EXD2: variants seen among roughly 807,000 people sequenced by gnomAD.
EXD2 encodes exonuclease 3'-5' domain-containing protein 2.
In EXD2, 40 loss-of-function variants were observed where a neutral mutation model predicts 62.5. That is an observed-to-expected ratio of 0.64 (90% CI 0.50 to 0.83). The LOEUF (loss-of-function observed/expected upper bound fraction) is 0.83, where lower values mean the gene tolerates loss of function less well. EXD2 is among the 40% of genes least tolerant of loss of function. The pLI is 0.00. For missense variants in EXD2, 671 were observed against 761.8 expected (o/e 0.88, Z 1.40); for synonymous variants, 239 against 291.9 (o/e 0.82, Z 1.85).
intron 4 of EXD2, among the ~76,000 whole-genome samples, 174 bp from the exon 5 acceptor site, chr14:69,230,298 A>G (rs957511737): frequency 2.6e-5 from 4 of 152,248 alleles, no homozygotes; most frequent in African/African-American, 9.6e-5. Context: ...GAGTTAAACT[A>G]CAGAAAGGAT....
intron 2 of EXD2, 32 bp from the exon 3 acceptor site, chr14:69,209,392 A>G (rs2042727296): frequency 8.3e-7 from 1 of 1,205,740 alleles, no homozygotes. Flanking sequence ...TATATTCTGT[A>G]TATAAATATA....
chr14:69,227,533 A>G (rs1594769856), intron 3 of EXD2, among the ~76,000 whole-genome samples: 1 of 152,128 alleles, frequency 6.6e-6, no homozygotes, highest in Non-Finnish European at 1.5e-5. Context: ...CATTTTTTCA[A>G]ACTTATCTAT....
rs1594792881 is a variant in EXD2 at position 69,243,665 on chromosome 14, T to C, written c.*2565T>C. 1 of 152,242 alleles carries C rather than the reference T, an allele frequency of 6.6e-6. No homozygotes were observed. The highest frequency in any genetic ancestry group is 2.4e-5 in the African/African-American group (1 of 41,462). 9.4% of individuals were successfully genotyped at this position (152,242 alleles called of 1,614,324 possible). A position where few individuals can be genotyped will look rare whatever the true frequency, so the allele number is the denominator to read the frequency against. Reference sequence around the variant, plus strand: ...TCTATCTTTGGTAATTTCTTAAGAATGGAATCTTAGAATTGGACTGTGAAG... The same window carrying C: ...TCTATCTTTGGTAATTTCTTAAGAACGGAATCTTAGAATTGGACTGTGAAG... On this transcript the variant is annotated 3_prime_UTR_variant, in exon 10 of 10. Coordinates refer to ENST00000685843, the MANE Select transcript of EXD2 (RefSeq NM_001193360.2).
chr14:69,200,135 A>G (rs10139274), intron 1 of EXD2, among the ~76,000 whole-genome samples: 108,022 of 152,126 alleles, frequency 0.71, 39,336 homozygotes, highest in East Asian at 0.94. Flanking sequence ...TGTATGTGTC[A>G]TCTGTTGTTG....
At chr14:69,212,304 G>A (rs1179654859) in intron 3 of EXD2, among the ~76,000 whole-genome samples, 2 of 152,100 alleles carry the variant, frequency 1.3e-5, no homozygotes, top group African/African-American at 4.8e-5. Flanking sequence ...TTGAGCCCAG[G>A]AGGTGGAGGT....
At chr14:69,192,130 C>G (rs1403866251) in intron 1 of EXD2, 1 of 152,186 alleles carries the variant, frequency 6.6e-6, no homozygotes, top group African/African-American at 2.4e-5. Flanking sequence ...CTTTTCACAT[C>G]CCTGGGATGG....
chr14:69,214,488 C>T (rs2042927374), intron 3 of EXD2, among the ~76,000 whole-genome samples: 1 of 152,116 alleles, frequency 6.6e-6, no homozygotes. Flanking sequence ...TAACCTGCCC[C>T]TGAGTCTTTT....
intron 4 of EXD2, among the ~76,000 whole-genome samples, chr14:69,229,738 C>T (rs959351099): frequency 1.3e-5 from 2 of 152,098 alleles, no homozygotes; most frequent in African/African-American, 4.8e-5. Flanking sequence ...TAATTACCTC[C>T]TCATGTTTAT....
chr14:69,236,500 A>T lies in EXD2; in HGVS notation c.1250A>T (p.Glu417Val), dbSNP rs758946926. ...SPGDYYLMVK[E>V]NLCVVCGKRD... ...GGAGACTATTACTTGATGGTTAAAG[A>T]GAACCTGTGTGTAGTGTGTGGCAAG... Residue 417 changes from glutamate (E) to valine (V), a missense_variant, in exon 8 of 10, where the codon GAG becomes GTG. Glu to Val is a moderately radical substitution (Grantham distance 121). Transcript: ENST00000685843. 6.2e-7 allele frequency: 1 copy of T among 1,614,194 alleles called. No individual in the cohort carries two copies. Among genetic ancestry groups the T allele is most frequent in the East Asian group, 2.2e-5 (1 of 44,886 alleles).
intron 1 of EXD2, among the ~76,000 whole-genome samples, chr14:69,202,475 T>A (rs189947972): frequency 6.6e-6 from 1 of 152,344 alleles, no homozygotes; most frequent in Admixed American, 6.5e-5. Context: ...GTTATCCCAC[T>A]CTTTGCAACT....
At chr14:69,191,788 C>T (rs1265737421) in intron 1 of EXD2, 197 bp downstream of exon 1, 8 of 152,432 alleles carry the variant, frequency 5.2e-5, no homozygotes, top group Admixed American at 2.6e-4. Flanking sequence ...CCCCCTCGCC[C>T]CCGTCGCACA....
At chr14:69,227,680 C>CA (rs983474184) in intron 3 of EXD2, among the ~76,000 whole-genome samples, 1 of 151,900 alleles carries the variant, frequency 6.6e-6, no homozygotes, top group Non-Finnish European at 1.5e-5. Flanking sequence ...TTCATCTCTA[C>CA]AAAAAATACA....
Position 69,228,963 on chromosome 14 carries a change from A to G in EXD2, c.481A>G (p.Ile161Val), listed in dbSNP as rs753901661. 4 of 1,614,168 alleles carry G rather than the reference A, an allele frequency of 2.5e-6. No individual in the cohort carries two copies. The highest frequency in any genetic ancestry group is 2.5e-6 in the Non-Finnish European group (3 of 1,180,028). ...ATTGGATATTTTGGCAGATGGCACC[A>G]TTTTGAAAGTTGGAGTGGGATGCTC... ...TLLDILADGT[I>V]LKVGVGCSED... The change falls in exon 4 of 10, where the codon ATT becomes GTT. Residue 161 changes from isoleucine to valine, a missense_variant. By Grantham distance (29) the Ile-to-Val change is conservative. Transcript: ENST00000685843.
intron 3 of EXD2, among the ~76,000 whole-genome samples, chr14:69,215,645 G>A (rs530489203): frequency 6.6e-6 from 1 of 151,960 alleles, no homozygotes; most frequent in East Asian, 1.9e-4. Flanking sequence ...TCCACATTTG[G>A]TACTGTCATA....
chr14:69,240,517 T>A (rs1484660340), intron 9 of EXD2, among the ~76,000 whole-genome samples: 1 of 152,184 alleles, frequency 6.6e-6, no homozygotes, highest in African/African-American at 2.4e-5. Flanking sequence ...TGTCCCAGAA[T>A]GAACAACTTA....
At chr14:69,210,764 C>G (rs534097755) in intron 3 of EXD2, among the ~76,000 whole-genome samples, 8 of 152,084 alleles carry the variant, frequency 5.3e-5, no homozygotes, top group African/African-American at 1.9e-4. Context: ...GAGCTATGAA[C>G]ACACCACTGC....
intron 2 of EXD2, among the ~76,000 whole-genome samples, chr14:69,204,434 G>A (rs2042516133): frequency 6.6e-6 from 1 of 152,072 alleles, no homozygotes; most frequent in Non-Finnish European, 1.5e-5. Context: ...TGCTGAGCAT[G>A]GTGGCATGCA....
At position 69,237,736 on chromosome 14, in the gene EXD2, T is replaced by C. The variant is rs1192055592; in HGVS notation, c.1454T>C (p.Ile485Thr). The change falls in exon 9 of 10, where the codon ATC (isoleucine) becomes ACC (threonine). Residue 485 changes from isoleucine (I) to threonine (T), a missense_variant. By Grantham distance (89) the Ile-to-Thr change is moderately conservative. Transcript: ENST00000685843. ...QQLAKEFQAPIGSEEGLRLLE... is the reference protein window; with the variant it reads ...QQLAKEFQAPTGSEEGLRLLE... ...CTGGCCAAGGAGTTCCAGGCCCCCA[T>C]CGGCTCTGAGGAGGGCTTGCGCCTG... 3.7e-6 allele frequency: 6 copies of C among 1,613,908 alleles called. No homozygotes were observed. In the African/African-American group the frequency reaches 8.0e-5, roughly 22 times the overall value.
intron 3 of EXD2, among the ~76,000 whole-genome samples, chr14:69,217,177 C>T (rs1391442388): frequency 6.6e-6 from 1 of 152,172 alleles, no homozygotes; most frequent in Non-Finnish European, 1.5e-5. Flanking sequence ...CTTACCCTCC[C>T]AAGTAGCTAG....
Sources: allele counts gnomAD v4.1 joint callset (sites outside exome capture counted in the v4.1 genomes callset), GRCh38; gene constraint gnomAD v4.1.1; transcripts MANE v1.5; gene names NCBI Gene and HGNC (gene_info 2026-07-23, HGNC 2026-07-21).